TNFSF8: variants seen among roughly 807,000 people sequenced by gnomAD.
The protein encoded by TNFSF8 is TNF superfamily member 8.
A neutral mutation model predicts 22.0 loss-of-function variants in TNFSF8; 4 were observed. That is an observed-to-expected ratio of 0.18 (90% CI 0.09 to 0.42). The LOEUF (loss-of-function observed/expected upper bound fraction) is 0.42, where lower values mean the gene tolerates loss of function less well. Ranked by LOEUF, TNFSF8 falls within the 10% of genes least tolerant of loss-of-function variation. TNFSF8 has a pLI of 1.00. For missense variants in TNFSF8, 233 were observed against 281.8 expected, an observed-to-expected ratio of 0.83 and a Z score of 1.24; for synonymous variants, 106 against 112.5, an observed-to-expected ratio of 0.94 and a Z score of 0.37.
intron 1 of TNFSF8, among the ~76,000 whole-genome samples, chr9:114,923,859 C>T (rs552061452): frequency 2.0e-5 from 3 of 152,102 alleles, no homozygotes; most frequent in Non-Finnish European, 2.9e-5. Context: ...TTTACAAAGG[C>T]GATAGTTGGT....
At chr9:114,894,262 G>A in intron 4 of TNFSF8, 1 of 1,002,428 alleles carries the variant, frequency 1.0e-6, no homozygotes, top group African/African-American at 1.6e-5. Context: ...TTAGCAGGGA[G>A]GCAAATGTAC....
intron 2 of TNFSF8, 104 bp downstream of exon 2, chr9:114,917,992 G>A (rs757430248): frequency 1.9e-4 from 224 of 1,179,440 alleles, no homozygotes; most frequent in Non-Finnish European, 2.6e-4. Flanking sequence ...CTTTACTGTT[G>A]GGTCATGTCA....
rs146105995 is a variant in TNFSF8 at position 114,915,078 on chromosome 9, A to G, written c.238+3018T>C. On this transcript the variant is annotated intron_variant, in intron 2 of 3. Coordinates refer to ENST00000223795, the MANE Select transcript of TNFSF8 (RefSeq NM_001244.4). ...TCTGCCCTTTTCCTTTCTAGTGACAAACCACATGCTGCCCCTGAAGCTTCC... is the reference window on the plus strand; with the variant it reads ...TCTGCCCTTTTCCTTTCTAGTGACAGACCACATGCTGCCCCTGAAGCTTCC... Among the ~76,000 whole-genome samples, 106 of 152,184 alleles carry G rather than the reference A, an allele frequency of 7.0e-4. 1 individual carries two copies. The East Asian group carries it at 0.013, about 19-fold the overall frequency.
intron 2 of TNFSF8, among the ~76,000 whole-genome samples, chr9:114,910,606 C>T (rs1859012292): frequency 1.3e-5 from 2 of 152,160 alleles, no homozygotes; most frequent in South Asian, 2.1e-4. Context: ...GCTGGAGGTG[C>T]TGGGAAAACA....
chr9:114,894,616 T>G (rs542060052), intron 4 of TNFSF8, among the ~76,000 whole-genome samples: 1 of 152,324 alleles, frequency 6.6e-6, no homozygotes, highest in Non-Finnish European at 1.5e-5. Context: ...TTTCCTCATC[T>G]GCAACATGGG....
intron 2 of TNFSF8, among the ~76,000 whole-genome samples, chr9:114,908,789 A>C (rs1422134092): frequency 6.6e-6 from 1 of 152,214 alleles, no homozygotes; most frequent in East Asian, 1.9e-4. Flanking sequence ...TGATGTTGCC[A>C]GAGCTGGTTC....
intron 1 of TNFSF8, among the ~76,000 whole-genome samples, chr9:114,922,323 A>G (rs559846366): frequency 2.0e-4 from 31 of 152,330 alleles, no homozygotes; most frequent in African/African-American, 7.2e-4. Context: ...GGGGAAGTCC[A>G]CATTCCTTTC....
chr9:114,924,955 T>A (rs1020490402), intron 1 of TNFSF8, among the ~76,000 whole-genome samples: 12 of 152,144 alleles, frequency 7.9e-5, no homozygotes, highest in Admixed American at 6.5e-4. Context: ...ATGGAATGAA[T>A]GTCAGGTGGA....
intron 1 of TNFSF8, among the ~76,000 whole-genome samples, chr9:114,925,168 C>T (rs1828042172): frequency 6.6e-6 from 1 of 152,192 alleles, no homozygotes. Context: ...AACAGGAAAA[C>T]TGCTTTACGG....
In TNFSF8 at chr9:114,904,164, G is replaced by T. The variant is rs1021336210; in HGVS notation, c.472C>A (p.Leu158Met). The change falls in exon 4 of 4, where the codon CTG becomes ATG. Residue 158 changes from leucine to methionine, a missense_variant. By Grantham distance (15) the Leu-to-Met change is conservative. Transcript: ENST00000223795. ...TTGTTGATGAGAAGCTCCAACTTCA[G>T]ATCGACAGAATTATTTGGGCATTGT... is the stretch of plus-strand genomic sequence containing the variant. ...LVQCPNNSVDLKLELLINKHI... is the reference protein window; with the variant it reads ...LVQCPNNSVDMKLELLINKHI... 2.5e-6 allele frequency: 4 copies of T among 1,614,104 alleles called. No individual in the cohort carries two copies. The highest frequency in any genetic ancestry group is 3.4e-6 in the Non-Finnish European group (4 of 1,179,982).
chr9:114,927,868 C>G (rs1316169623), intron 1 of TNFSF8, among the ~76,000 whole-genome samples: 3 of 152,106 alleles, frequency 2.0e-5, no homozygotes, highest in East Asian at 3.9e-4. Flanking sequence ...CTTTTAGAGT[C>G]TCTTCACTTG....
intron 1 of TNFSF8, among the ~76,000 whole-genome samples, chr9:114,928,577 T>A (rs1248238466): frequency 6.6e-6 from 1 of 152,184 alleles, no homozygotes; most frequent in African/African-American, 2.4e-5. Context: ...AAGAACTTCT[T>A]AAAGGACACT....
chr9:114,916,833 C>T (rs186287571), intron 2 of TNFSF8, among the ~76,000 whole-genome samples: 11 of 152,300 alleles, frequency 7.2e-5, no homozygotes, highest in African/African-American at 1.9e-4. Flanking sequence ...AAAGCCTAAA[C>T]GTTTACTATC....
intron 1 of TNFSF8, among the ~76,000 whole-genome samples, chr9:114,928,558 C>A (rs1019329893): frequency 6.6e-6 from 1 of 152,194 alleles, no homozygotes; most frequent in Non-Finnish European, 1.5e-5. Context: ...TAGTTGGATC[C>A]TTTAACTAAA....
rs1827730821 is a variant in TNFSF8 at position 114,902,584 on chromosome 9, C to A, written c.*1347G>T. The A allele has an allele frequency of 1.0e-6, 1 of 985,294 alleles. No individual in the cohort carries two copies. Among genetic ancestry groups the A allele is most frequent in the South Asian group, 4.7e-5 (1 of 21,294 alleles). The allele number at this position is 985,294 out of a possible 1,614,324, so 61.0% of individuals were successfully genotyped here. A position where few individuals can be genotyped will look rare whatever the true frequency, so the allele number is the denominator to read the frequency against. On this transcript the variant is annotated 3_prime_UTR_variant, in exon 4 of 4. Coordinates refer to ENST00000223795, the MANE Select transcript of TNFSF8 (RefSeq NM_001244.4). Reference sequence around the variant, plus strand: ...CATCCTTGAGATCCTGCTGTTCACACCATTCAGCAGGGCACCCTGAACCTT... The same window carrying A: ...CATCCTTGAGATCCTGCTGTTCACAACATTCAGCAGGGCACCCTGAACCTT...
intron 1 of TNFSF8, among the ~76,000 whole-genome samples, chr9:114,929,444 C>G (rs1474040876): frequency 6.6e-6 from 1 of 151,782 alleles, no homozygotes; most frequent in Non-Finnish European, 1.5e-5. Flanking sequence ...GCTTTAACAC[C>G]AAAATGTCCA....
intron 1 of TNFSF8, among the ~76,000 whole-genome samples, chr9:114,922,991 A>G (rs1323447935): frequency 6.6e-6 from 1 of 152,126 alleles, no homozygotes; most frequent in Non-Finnish European, 1.5e-5. Flanking sequence ...AGAACACCTG[A>G]GGTCTTGAGA....
chr9:114,910,236 T>C (rs1226967480), intron 2 of TNFSF8, among the ~76,000 whole-genome samples: 2 of 151,960 alleles, frequency 1.3e-5, no homozygotes, highest in East Asian at 1.9e-4. Flanking sequence ...AGGAGAGAGA[T>C]AGAAAGAGAG....
exon 5 of TNFSF8, chr9:114,893,568 ATTCATTTAATCT>A (rs1447956287): frequency 1.2e-5 from 2 of 163,776 alleles, no homozygotes; most frequent in Non-Finnish European, 2.7e-5. Flanking sequence ...CTAAGATGGT[ATTCATTTAATCT>A]TTCATTTAAT....
Sources: allele counts gnomAD v4.1 joint callset (sites outside exome capture counted in the v4.1 genomes callset), GRCh38; gene constraint gnomAD v4.1.1; transcripts MANE v1.5; gene names NCBI Gene and HGNC (gene_info 2026-07-23, HGNC 2026-07-21).